RCAN2: variants seen among roughly 807,000 people sequenced by gnomAD.
RCAN2 encodes the protein calcipressin-2.
RCAN2 carries 9 observed loss-of-function variants against 23.6 expected under a neutral mutation model. That is an observed-to-expected ratio of 0.38 (90% CI 0.23 to 0.67). RCAN2 has a LOEUF of 0.67. RCAN2 is among the 30% of genes least tolerant of loss of function. RCAN2 has a pLI of 0.51. For synonymous variants in RCAN2, 109 were observed against 115.7 expected, an observed-to-expected ratio of 0.94 and a Z score of 0.37; for missense variants, 273 against 302.3, an observed-to-expected ratio of 0.90 and a Z score of 0.72.
At chr6:46,278,369 C>G (rs1195938374) in intron 2 of RCAN2, among the ~76,000 whole-genome samples, 1 of 151,832 alleles carries the variant, frequency 6.6e-6, no homozygotes, top group Admixed American at 6.6e-5. Flanking sequence ...TTTTGTCCCA[C>G]CCATCCTTTA....
chr6:46,320,098 T>A (rs568100106), intron 2 of RCAN2, among the ~76,000 whole-genome samples: 1 of 152,298 alleles, frequency 6.6e-6, no homozygotes, highest in African/African-American at 2.4e-5. Flanking sequence ...CTCAAACACT[T>A]CTAAGTTACT....
At chr6:46,370,472 C>T (rs1228242935) in intron 2 of RCAN2, among the ~76,000 whole-genome samples, 1 of 152,160 alleles carries the variant, frequency 6.6e-6, no homozygotes, top group Non-Finnish European at 1.5e-5. Context: ...TTAAATTCAG[C>T]AAATGGGAGT....
chr6:46,396,901 C>T (rs562676236), intron 2 of RCAN2, among the ~76,000 whole-genome samples: 5 of 151,994 alleles, frequency 3.3e-5, no homozygotes, highest in East Asian at 1.9e-4. Flanking sequence ...TACCTGAGGT[C>T]GGAGTTCGAG....
chr6:46,353,737 G>A (rs991292620), intron 2 of RCAN2, among the ~76,000 whole-genome samples: 6 of 152,170 alleles, frequency 3.9e-5, no homozygotes, highest in African/African-American at 1.4e-4. Context: ...GCCCAGGACA[G>A]TGTTTAATTT....
intron 2 of RCAN2, among the ~76,000 whole-genome samples, chr6:46,260,457 A>G (rs1266677594): frequency 6.6e-6 from 1 of 152,064 alleles, no homozygotes; most frequent in Non-Finnish European, 1.5e-5. Context: ...TAAGTACCCA[A>G]AGTGGAGACT....
chr6:46,469,373 T>C (rs930987779), intron 1 of RCAN2, among the ~76,000 whole-genome samples: 1 of 152,248 alleles, frequency 6.6e-6, no homozygotes, highest in Admixed American at 6.5e-5. Flanking sequence ...TCTGGCCTGC[T>C]GCAATTGGGA....
Position 46,223,540 on chromosome 6 carries a change from C to T in RCAN2, c.572-239G>A, listed in dbSNP as rs540083499. On this transcript the variant is annotated intron_variant, in intron 4 of 4. Transcript: ENST00000371374. Reference sequence around the variant, plus strand: ...GCCACTCAATACCTCTTAGCCTCCACATCCTTTACCGTAAATTTCAACATG... The same window carrying T: ...GCCACTCAATACCTCTTAGCCTCCATATCCTTTACCGTAAATTTCAACATG... 2.6e-5 allele frequency among the ~76,000 whole-genome samples: 4 copies of T among 152,306 alleles called. No homozygotes were observed. In the East Asian group the frequency reaches 7.7e-4, roughly 29 times the overall value.
At chr6:46,268,634 C>T (rs1767421825) in intron 2 of RCAN2, among the ~76,000 whole-genome samples, 1 of 152,216 alleles carries the variant, frequency 6.6e-6, no homozygotes, top group South Asian at 2.1e-4. Context: ...GTGTATCACA[C>T]TAGACTGATA....
At chr6:46,484,827 C>T (rs183016166) in intron 1 of RCAN2, among the ~76,000 whole-genome samples, 79 of 152,320 alleles carry the variant, frequency 5.2e-4, no homozygotes, top group African/African-American at 1.8e-3. Context: ...AAAAGAAAGC[C>T]TAACTTCCTT....
intron 2 of RCAN2, among the ~76,000 whole-genome samples, chr6:46,265,996 C>T (rs1319006526): frequency 1.3e-5 from 2 of 152,136 alleles, no homozygotes; most frequent in African/African-American, 2.4e-5. Context: ...GCTTTACATC[C>T]TTATAGTCCA....
chr6:46,244,309 C>T (rs1766434278), intron 4 of RCAN2, among the ~76,000 whole-genome samples: 2 of 152,106 alleles, frequency 1.3e-5, no homozygotes, highest in African/African-American at 4.8e-5. Flanking sequence ...CATTTCCTTC[C>T]TCCCTCTTTC....
chr6:46,256,602 G>A (rs963286246), intron 2 of RCAN2, among the ~76,000 whole-genome samples: 1 of 151,932 alleles, frequency 6.6e-6, no homozygotes, highest in South Asian at 2.1e-4. Context: ...TGAGATGTAC[G>A]GACACAGGTA....
At chr6:46,401,363 C>A (rs1422003680) in intron 2 of RCAN2, among the ~76,000 whole-genome samples, 1 of 152,138 alleles carries the variant, frequency 6.6e-6, no homozygotes, top group African/African-American at 2.4e-5. Flanking sequence ...TCAGGGCCCA[C>A]AAGGGTCCCC....
chr6:46,254,340 C>A (rs1043418162), intron 2 of RCAN2, among the ~76,000 whole-genome samples: 5 of 151,872 alleles, frequency 3.3e-5, no homozygotes, highest in Admixed American at 6.6e-5. Flanking sequence ...CTTAAGGGTA[C>A]AACATAATGG....
At chr6:46,292,423 G>GTTTTTTTTTT (rs869232910) in intron 2 of RCAN2, among the ~76,000 whole-genome samples, 3 of 107,556 alleles carry the variant, frequency 2.8e-5, no homozygotes, top group African/African-American at 1.2e-4. Context: ...GAGTTGATTT[G>GTTTTTTTTTT]TTGTTTTTTT....
At chr6:46,401,011 T>C (rs1766233285) in intron 2 of RCAN2, among the ~76,000 whole-genome samples, 1 of 152,218 alleles carries the variant, frequency 6.6e-6, no homozygotes, top group African/African-American at 2.4e-5. Context: ...TTTAATAAGT[T>C]TCCCAGTGAT....
intron 2 of RCAN2, among the ~76,000 whole-genome samples, chr6:46,251,684 T>A (rs557798063): frequency 1.3e-5 from 2 of 152,160 alleles, no homozygotes; most frequent in African/African-American, 2.4e-5. Flanking sequence ...AGAGACTGCA[T>A]TAGGAGCAAA....
chr6:46,463,813 G>A (rs1768294562), intron 1 of RCAN2, among the ~76,000 whole-genome samples: 1 of 152,040 alleles, frequency 6.6e-6, no homozygotes, highest in South Asian at 2.1e-4. Context: ...ATAAAAATAA[G>A]CAAGACATAC....
chr6:46,464,712 C>G (rs1338490750), intron 1 of RCAN2, among the ~76,000 whole-genome samples: 1 of 152,176 alleles, frequency 6.6e-6, no homozygotes, highest in Non-Finnish European at 1.5e-5. Context: ...TTCTTGATAT[C>G]ATTTGGGATC....
Sources: gnomAD v4.1 joint callset for allele counts (sites outside exome capture counted in the v4.1 genomes callset) on GRCh38, gnomAD v4.1.1 for gene constraint, MANE v1.5 for transcripts, NCBI Gene and HGNC (gene_info 2026-07-23, HGNC 2026-07-21) for gene names.